SFSWAP: variants seen among roughly 807,000 people sequenced by gnomAD.
SFSWAP encodes splicing factor SWAP, also known as splicing factor, suppressor of white-apricot homolog.
A neutral mutation model predicts 100.7 loss-of-function variants in SFSWAP; 17 were observed. That is an observed-to-expected ratio of 0.17 (90% CI 0.12 to 0.25). The LOEUF (loss-of-function observed/expected upper bound fraction) is 0.25. Among genes scored for constraint, SFSWAP ranks in the 10% least tolerant of loss-of-function variants. The pLI, the probability that SFSWAP is intolerant of heterozygous loss-of-function variation, is 1.00. For synonymous variants in SFSWAP, 504 were observed against 510.1 expected (o/e 0.99, Z 0.16); for missense variants, 1,005 against 1,262.6 (o/e 0.80, Z 3.09).
chr12:131,786,338 A>G (rs1270435427), intron 14 of SFSWAP, 125 bp from the exon 15 acceptor site: 1 of 1,209,392 alleles, frequency 8.3e-7, no homozygotes, highest in African/African-American at 1.5e-5. Flanking sequence ...CTCAGGGTCT[A>G]CACAGGCACC....
intron 4 of SFSWAP, among the ~76,000 whole-genome samples, chr12:131,721,630 G>A (rs974843538): frequency 6.6e-6 from 1 of 152,112 alleles, no homozygotes; most frequent in Admixed American, 6.5e-5. Flanking sequence ...TTTAAATATA[G>A]AGGTACAATG....
intron 7 of SFSWAP, among the ~76,000 whole-genome samples, chr12:131,741,700 G>A (rs1880656010): frequency 2.0e-5 from 3 of 151,934 alleles, no homozygotes; most frequent in African/African-American, 7.3e-5. Flanking sequence ...CAAGAACAGG[G>A]AGAGCGCCTG....
intron 8 of SFSWAP, among the ~76,000 whole-genome samples, chr12:131,754,081 C>G (rs1260577153): frequency 1.3e-5 from 2 of 152,082 alleles, no homozygotes; most frequent in African/African-American, 4.8e-5. Context: ...ACTGCTTATT[C>G]TTTGTTATTT....
Position 131,786,596 on chromosome 12 carries a change from A to G in SFSWAP, c.2534+8A>G. Reference sequence around the variant, plus strand: ...GAAGCGGACCCGCTCCAGGTAGGCCACTGGGTGTGCACGCAGGTGCTGGAT... The same window carrying G: ...GAAGCGGACCCGCTCCAGGTAGGCCGCTGGGTGTGCACGCAGGTGCTGGAT... On this transcript the variant is annotated splice_region_variant and intron_variant, in intron 15 of 17. Transcript: ENST00000261674. 3.1e-6 allele frequency: 5 copies of G among 1,588,130 alleles called. No homozygotes were observed. The highest frequency in any genetic ancestry group is 4.3e-6 in the Non-Finnish European group (5 of 1,168,744).
At chr12:131,721,983 C>T (rs559620916) in intron 4 of SFSWAP, among the ~76,000 whole-genome samples, 2 of 152,128 alleles carry the variant, frequency 1.3e-5, no homozygotes, top group East Asian at 3.9e-4. Flanking sequence ...AATTATACAC[C>T]GTGGTGTCCA....
chr12:131,792,417 C>T (rs7972213), intron 15 of SFSWAP, among the ~76,000 whole-genome samples: 14,316 of 32,042 alleles, frequency 0.45, 5,632 homozygotes, highest in African/African-American at 0.8. Flanking sequence ...CATGTGTGTG[C>T]TCACAGACCA....
intron 8 of SFSWAP, among the ~76,000 whole-genome samples, chr12:131,754,131 T>C (rs1378956095): frequency 6.6e-6 from 1 of 152,240 alleles, no homozygotes; most frequent in Non-Finnish European, 1.5e-5. Flanking sequence ...TGTTAATTAG[T>C]AGGAAAAATG....
At chr12:131,768,921 C>T (rs1231653884) in intron 13 of SFSWAP, among the ~76,000 whole-genome samples, 1 of 152,012 alleles carries the variant, frequency 6.6e-6, no homozygotes, top group Non-Finnish European at 1.5e-5. Flanking sequence ...GCCAGGAGTT[C>T]GAGATCAGTC....
chr12:131,798,586 G>A (rs1245383262), intron 16 of SFSWAP, among the ~76,000 whole-genome samples: 2 of 152,124 alleles, frequency 1.3e-5, no homozygotes, highest in African/African-American at 2.4e-5. Context: ...ATGATGCCAA[G>A]TTTTATTGAA....
intron 11 of SFSWAP, chr12:131,756,956 A>G: frequency 3.8e-6 from 1 of 264,466 alleles, no homozygotes; most frequent in Non-Finnish European, 7.2e-6. Flanking sequence ...AACTATTTAT[A>G]TGCAAACTGT....
chr12:131,781,243 T>A (rs12818154), intron 14 of SFSWAP, among the ~76,000 whole-genome samples: 12,218 of 93,772 alleles, frequency 0.13, 713 homozygotes, highest in East Asian at 0.31. Flanking sequence ...TATTTTTTTT[T>A]TTTTTTTTTT....
rs571040007 is a variant in SFSWAP, at chr12:131,743,441, G to A, written c.1082-9682G>A. 3.2e-4 allele frequency among the ~76,000 whole-genome samples: 49 copies of A among 152,326 alleles called. 1 individual carries two copies. The South Asian group carries it at 9.7e-3, about 30-fold the overall frequency. On this transcript the variant is annotated intron_variant, in intron 7 of 17. Coordinates refer to ENST00000261674, the MANE Select transcript of SFSWAP (RefSeq NM_004592.4). ...GAGGGGCTGCACAGGCCCTGTACAA[G>A]TCCAAAATCTAGCAAGGCAGTCAAA...
intron 13 of SFSWAP, among the ~76,000 whole-genome samples, chr12:131,770,797 A>G (rs989945425): frequency 6.6e-6 from 1 of 152,158 alleles, no homozygotes; most frequent in Non-Finnish European, 1.5e-5. Flanking sequence ...CGTTCCCAGG[A>G]TGTCCATCTT....
chr12:131,722,433 C>G (rs1480978930), intron 4 of SFSWAP, among the ~76,000 whole-genome samples: 2 of 151,864 alleles, frequency 1.3e-5, no homozygotes, highest in Non-Finnish European at 2.9e-5. Flanking sequence ...TGTGGTGGCA[C>G]GTGCCTGTAG....
chr12:131,748,442 A>T (rs2136217659), intron 7 of SFSWAP, among the ~76,000 whole-genome samples: 1 of 152,208 alleles, frequency 6.6e-6, no homozygotes, highest in Admixed American at 6.5e-5. Flanking sequence ...TGACAGGTGT[A>T]AGCCACCCTG....
At chr12:131,726,243 G>A (rs986932561) in intron 5 of SFSWAP, among the ~76,000 whole-genome samples, 7 of 150,882 alleles carry the variant, frequency 4.6e-5, no homozygotes, top group South Asian at 2.1e-4. Flanking sequence ...CGCTCTTGTC[G>A]CCCAGGCTGG....
Position 131,797,372 on chromosome 12 carries a change from C to A in SFSWAP, c.2717+12C>A. 6.3e-7 allele frequency: 1 copy of A among 1,595,846 alleles called. No individual in the cohort carries two copies. Among genetic ancestry groups the A allele is most frequent in the Non-Finnish European group, 8.5e-7 (1 of 1,170,542 alleles). Reference sequence around the variant, plus strand: ...CAGGAGCGCTCCAGGTAACCCCTGTCCTCCAGCAGCTCTCTCTGGGGAAAG... The same window carrying A: ...CAGGAGCGCTCCAGGTAACCCCTGTACTCCAGCAGCTCTCTCTGGGGAAAG... On this transcript the variant is annotated intron_variant, in intron 16 of 17. Transcript: ENST00000261674.
chr12:131,728,853 A>C (rs895593876), intron 7 of SFSWAP, among the ~76,000 whole-genome samples: 1 of 151,810 alleles, frequency 6.6e-6, no homozygotes, highest in African/African-American at 2.4e-5. Flanking sequence ...GCACGATAAC[A>C]CTGGGCTAAT....
intron 13 of SFSWAP, among the ~76,000 whole-genome samples, chr12:131,774,895 T>A (rs935892185): frequency 6.6e-6 from 1 of 152,124 alleles, no homozygotes; most frequent in Non-Finnish European, 1.5e-5. Context: ...TAAGTATTAT[T>A]AATGACAGGC....
Sources: allele counts gnomAD v4.1 joint callset (sites outside exome capture counted in the v4.1 genomes callset), GRCh38; gene constraint gnomAD v4.1.1; transcripts MANE v1.5; gene names NCBI Gene and HGNC (gene_info 2026-07-23, HGNC 2026-07-21).